The following CUX1 variants were observed in gnomAD, a reference collection of about 807,000 sequenced individuals.
CUX1 encodes protein CASP.
A neutral mutation model predicts 158.8 loss-of-function variants in CUX1; 31 were observed. The ratio of observed to expected loss-of-function variants is 0.20; its 90% confidence interval spans 0.15 to 0.26. CUX1 has a LOEUF of 0.26. CUX1 is among the 10% of genes least tolerant of loss of function. The probability of loss-of-function intolerance (pLI) is 1.00; values close to 1 mark genes in which losing one functional copy is unlikely to be tolerated. For synonymous variants in CUX1, 879 were observed against 862.1 expected (o/e 1.02, Z -0.34); for missense variants, 1,589 against 2,014.6 (o/e 0.79, Z 4.04).
At chr7:101,958,479 CT>C (rs11433173) in intron 2 of CUX1, among the ~76,000 whole-genome samples, 31 of 112,118 alleles carry the variant, frequency 2.8e-4, no homozygotes, top group South Asian at 8.8e-4. Flanking sequence ...ATTTTCTTTT[CT>C]TTTTTTTTTT....
intron 2 of CUX1, among the ~76,000 whole-genome samples, chr7:101,993,354 A>G: frequency 7.1e-6 from 1 of 141,204 alleles, no homozygotes; most frequent in Non-Finnish European, 1.6e-5. Context: ...AAATAAATAA[A>G]TAAGATAACA....
chr7:102,254,783 T>C lies in CUX1; in HGVS notation c.*5741T>C. 1 of 985,472 alleles carries C rather than the reference T, an allele frequency of 1.0e-6. No individual in the cohort carries two copies. Among genetic ancestry groups the C allele is most frequent in the South Asian group, 4.7e-5 (1 of 21,290 alleles). 61.0% of individuals were successfully genotyped at this position (985,472 alleles called of 1,614,324 possible). On this transcript the variant is annotated 3_prime_UTR_variant, in exon 24 of 24. Coordinates refer to ENST00000292535, the MANE Select transcript of CUX1 (RefSeq NM_181552.4). The stretch of plus-strand genomic sequence containing the variant: ...GTGGTGACCTGAGGCCAGTGTGATG[T>C]GGTTGGATCTCAGCGTGTACTGAAT...
intron 11 of CUX1, 85 bp downstream of exon 11, chr7:102,178,742 T>C: frequency 1.4e-6 from 2 of 1,408,408 alleles, no homozygotes; most frequent in South Asian, 2.8e-5. Flanking sequence ...CCTCTGCCTT[T>C]CTGGACTTGA....
rs1293757545 is a variant in CUX1, at chr7:102,248,297, G to GCCAGC, written c.3888-113_3888-112insAGCCC. On this transcript the variant is annotated intron_variant, in intron 23 of 23. Transcript: ENST00000292535. The surrounding 1 kb of genome is among the most constrained non-coding windows in gnomAD (Gnocchi z 5.8). ...AGGGTCGCTGGAGGGGCACGGAGGG[G>GCCAGC]CCTCCAGGCTGGACGGAGCAGGAGC... 4 of 980,484 alleles carry GCCAGC rather than the reference G, an allele frequency of 4.1e-6. No individual in the cohort carries two copies. The Admixed American group carries it at 9.2e-5, about 23-fold the overall frequency. The allele number at this position is 980,484 out of a possible 1,614,324, so 60.7% of individuals were successfully genotyped here.
At chr7:102,218,243 G>A (rs1797446328) in intron 20 of CUX1, among the ~76,000 whole-genome samples, 1 of 152,208 alleles carries the variant, frequency 6.6e-6, no homozygotes, top group Non-Finnish European at 1.5e-5. Flanking sequence ...GGTCTGCCTT[G>A]CTCACGGCTG....
intron 2 of CUX1, among the ~76,000 whole-genome samples, chr7:101,929,931 T>C (rs1470974364): frequency 6.6e-6 from 1 of 152,112 alleles, no homozygotes; most frequent in Non-Finnish European, 1.5e-5. Context: ...AACTTCTACC[T>C]CCCGGGTTCA....
At chr7:102,186,197 C>T (rs900811396) in intron 11 of CUX1, among the ~76,000 whole-genome samples, 1 of 152,142 alleles carries the variant, frequency 6.6e-6, no homozygotes, top group Non-Finnish European at 1.5e-5. Context: ...CAATGGGAGC[C>T]CTGCGTCTGC....
intron 2 of CUX1, among the ~76,000 whole-genome samples, chr7:101,987,902 ACT>A (rs1313971819): frequency 1.1e-4 from 17 of 152,276 alleles, no homozygotes; most frequent in Admixed American, 6.5e-4. Flanking sequence ...GAGAAAGCTG[ACT>A]CTGTTGGTGT....
chr7:102,125,391 A>T (rs1352245904), intron 8 of CUX1: 1 of 152,312 alleles, frequency 6.6e-6, no homozygotes, highest in Non-Finnish European at 1.5e-5. Context: ...AGCCTGGAAC[A>T]TTCACGCCAC....
At chr7:101,868,522 A>C (rs1413280702) in intron 1 of CUX1, among the ~76,000 whole-genome samples, 3 of 152,198 alleles carry the variant, frequency 2.0e-5, no homozygotes, top group Non-Finnish European at 4.4e-5. Flanking sequence ...CACTGAGGAC[A>C]GGCACCTTAG....
intron 1 of CUX1, among the ~76,000 whole-genome samples, chr7:101,872,458 A>G (rs117438421): frequency 0.014 from 2,110 of 152,080 alleles, 21 homozygotes; most frequent in South Asian, 0.025. Context: ...TTTGGGGGGA[A>G]AGAATCTGTA....
chr7:101,901,740 G>A (rs1802169789), intron 1 of CUX1, among the ~76,000 whole-genome samples: 1 of 152,200 alleles, frequency 6.6e-6, no homozygotes, highest in African/African-American at 2.4e-5. Context: ...GCCCGTGTCT[G>A]CCCGGGCAGA....
intron 2 of CUX1, among the ~76,000 whole-genome samples, chr7:101,973,770 C>CTTTT (rs546846196): frequency 2.9e-5 from 4 of 137,372 alleles, no homozygotes; most frequent in African/African-American, 5.3e-5. Flanking sequence ...TTTTCTTTTT[C>CTTTT]TTTTTTTTTT....
chr7:102,195,740 G>A (rs782232548), intron 14 of CUX1, 137 bp downstream of exon 14: 11 of 736,736 alleles, frequency 1.5e-5, no homozygotes, highest in East Asian at 3.0e-5. Context: ...TTTGACTAAC[G>A]CGTGTTGGGT....
At chr7:101,908,247 A>G (rs949839940) in intron 1 of CUX1, among the ~76,000 whole-genome samples, 1 of 152,190 alleles carries the variant, frequency 6.6e-6, no homozygotes, top group African/African-American at 2.4e-5. Context: ...GTGTTTTTAC[A>G]CTTCCATTAC....
At chr7:101,894,926 C>G (rs1007898422) in intron 1 of CUX1, among the ~76,000 whole-genome samples, 2 of 152,052 alleles carry the variant, frequency 1.3e-5, no homozygotes, top group African/African-American at 4.8e-5. Flanking sequence ...TGATTGAGCT[C>G]CCTGAGTGCT....
At chr7:101,973,622 C>T (rs1394035117) in intron 2 of CUX1, among the ~76,000 whole-genome samples, 2 of 152,116 alleles carry the variant, frequency 1.3e-5, no homozygotes, top group Non-Finnish European at 2.9e-5. Flanking sequence ...ATGCCACCAG[C>T]ACCCTTAATA....
chr7:102,260,534 G>T (rs1554543604), downstream of CUX1, among the ~76,000 whole-genome samples: 1 of 142,598 alleles, frequency 7.0e-6, no homozygotes, highest in African/African-American at 2.6e-5. Flanking sequence ...CGCCTCCCAA[G>T]TAGCTGGGAT....
At chr7:101,994,100 C>T (rs1228271305) in intron 2 of CUX1, among the ~76,000 whole-genome samples, 2 of 152,226 alleles carry the variant, frequency 1.3e-5, no homozygotes, top group African/African-American at 4.8e-5. Flanking sequence ...AGAGTGGCCA[C>T]ATGGGAGCCC....
Sources: allele counts gnomAD v4.1 joint callset (sites outside exome capture counted in the v4.1 genomes callset), GRCh38; gene constraint gnomAD v4.1.1; non-coding constraint Gnocchi (gnomAD v3.1); transcripts MANE v1.5; gene names NCBI Gene and HGNC (gene_info 2026-07-23, HGNC 2026-07-21).